SULT6B1: variants seen among roughly 807,000 people sequenced by gnomAD.
The protein encoded by SULT6B1 is sulfotransferase 6B1.
A neutral mutation model predicts 37.2 loss-of-function variants in SULT6B1; 44 were observed. The observed-to-expected ratio is 1.18, with a 90% CI of 0.93 to 1.52. The LOEUF is 1.52. Ranked by LOEUF, SULT6B1 falls within the 40% of genes most tolerant of loss-of-function variation. SULT6B1 has a pLI of 0.00. For synonymous variants in SULT6B1, 140 were observed against 126.0 expected (o/e 1.11, Z -0.74); for missense variants, 450 against 361.0 (o/e 1.25, Z -2.00).
chr2:37,168,465 A>C (rs1438328966), intron 6 of SULT6B1, among the ~76,000 whole-genome samples: 1 of 152,162 alleles, frequency 6.6e-6, no homozygotes, highest in Non-Finnish European at 1.5e-5. Flanking sequence ...CAAAAGTTTT[A>C]CACTCTTAAA....
chr2:37,194,550 T>C (rs542890133), intron 1 of SULT6B1: 7 of 394,354 alleles, frequency 1.8e-5, no homozygotes, highest in East Asian at 1.5e-4. Context: ...CTGGTATCAA[T>C]GCACACATCT....
chr2:37,168,912 A>T (rs114932967), intron 6 of SULT6B1, among the ~76,000 whole-genome samples: 1,550 of 152,318 alleles, frequency 0.01, 17 homozygotes, highest in African/African-American at 0.035. Flanking sequence ...GAGTTTAATG[A>T]CATGAAGAAA....
At chr2:37,185,727 A>AAACAAAAC (rs771163565) in intron 2 of SULT6B1, among the ~76,000 whole-genome samples, 1 of 150,434 alleles carries the variant, frequency 6.6e-6, no homozygotes, top group African/African-American at 2.5e-5. Context: ...CAAAAAAAAA[A>AAACAAAAC]AAAAAAAAAA....
Position 37,168,157 on chromosome 2 carries a change from G to A in SULT6B1, c.782-92C>T, listed in dbSNP as rs148195223. ...TCAGTGCAATATTTCACTCTGATAT[G>A]TTAAAATGGACACATGGAAAAAAGC... On this transcript the variant is annotated intron_variant, in intron 6 of 6. Coordinates refer to ENST00000535679, the MANE Select transcript of SULT6B1 (RefSeq NM_001367551.1). The A allele has an allele frequency of 4.7e-6, 6 of 1,264,914 alleles. No individual in the cohort carries two copies. In the African/African-American group the frequency reaches 7.8e-5, roughly 16 times the overall value. 78.4% of individuals were successfully genotyped at this position (1,264,914 alleles called of 1,614,324 possible). A position where few individuals can be genotyped will look rare whatever the true frequency, so the allele number is the denominator to read the frequency against.
intron 3 of SULT6B1, among the ~76,000 whole-genome samples, chr2:37,181,788 T>C (rs564639484): frequency 6.6e-6 from 1 of 152,308 alleles, no homozygotes; most frequent in South Asian, 2.1e-4. Flanking sequence ...CTCTGTTTAT[T>C]ATAGAGACAC....
intron 2 of SULT6B1, among the ~76,000 whole-genome samples, chr2:37,185,649 T>G (rs1572464859): frequency 7.3e-6 from 1 of 137,430 alleles, no homozygotes; most frequent in South Asian, 2.3e-4. Flanking sequence ...ACCCAGGAGG[T>G]GAAGGGTGCA....
At chr2:37,185,610 C>G (rs536097548) in intron 2 of SULT6B1, among the ~76,000 whole-genome samples, 4 of 150,056 alleles carry the variant, frequency 2.7e-5, no homozygotes, top group Non-Finnish European at 5.9e-5. Context: ...CCCAGCTACT[C>G]GAGAGGCTGA....
rs558600961 is a variant in SULT6B1, at chr2:37,181,567, A to G, written c.402+1858T>C. Among the ~76,000 whole-genome samples the G allele has an allele frequency of 7.5e-4, 113 of 150,524 alleles. 1 individual carries two copies. The South Asian group carries it at 0.022, about 29-fold the overall frequency. ...GCTAATTTTTGTATTTTTTGTAGAG[A>G]CAGGGGTCTCACTATGTTGCCAAGG... is the stretch of plus-strand genomic sequence containing the variant. On this transcript the variant is annotated intron_variant, in intron 3 of 6. Coordinates refer to ENST00000535679, the MANE Select transcript of SULT6B1 (RefSeq NM_001367551.1).
chr2:37,189,170 G>C (rs1286512747), upstream of SULT6B1, among the ~76,000 whole-genome samples: 1 of 152,170 alleles, frequency 6.6e-6, no homozygotes, highest in African/African-American at 2.4e-5. Context: ...CTAAAGACCT[G>C]AGTTTGAACC....
At chr2:37,175,292 T>C in intron 4 of SULT6B1, 66 bp from the exon 5 acceptor site, 1 of 877,360 alleles carries the variant, frequency 1.1e-6, no homozygotes, top group South Asian at 1.9e-5. Flanking sequence ...ATCATTAATT[T>C]ATGCTATAAA....
At chr2:37,193,939 C>CT (rs961817008) in intron 1 of SULT6B1, among the ~76,000 whole-genome samples, 3 of 152,206 alleles carry the variant, frequency 2.0e-5, no homozygotes, top group African/African-American at 7.2e-5. Flanking sequence ...GGAGTCTACA[C>CT]TTTTCCTGCT....
chr2:37,188,251 G>A (rs1234111710), intron 1 of SULT6B1, among the ~76,000 whole-genome samples, 191 bp downstream of exon 1: 1 of 152,022 alleles, frequency 6.6e-6, no homozygotes, highest in African/African-American at 2.4e-5. Context: ...TCAGACACTG[G>A]AGTTTTTTAA....
At chr2:37,192,559 T>C (rs1676801707), upstream of SULT6B1, among the ~76,000 whole-genome samples, 2 of 152,234 alleles carry the variant, frequency 1.3e-5, no homozygotes. Flanking sequence ...ATATTAGCTG[T>C]AGTTGCAAAG....
intron 6 of SULT6B1, 150 bp downstream of exon 6, chr2:37,171,284 T>C (rs1676291710): frequency 1.2e-6 from 1 of 830,620 alleles, no homozygotes; most frequent in South Asian, 2.7e-5. Flanking sequence ...GGCTGCCAGT[T>C]ACAGCTCTGG....
At position 37,168,035 on chromosome 2, in the gene SULT6B1, C is replaced by T. The variant is rs768995818; in HGVS notation, c.812G>A (p.Ser271Asn). ...ATCCATTTCCTGGTTCTGAATTTCACTGAACAAATTTTTCCAATCACCAAC... is the reference window on the plus strand; with the variant it reads ...ATCCATTTCCTGGTTCTGAATTTCATTGAACAAATTTTTCCAATCACCAAC... ...GEVGDWKNLF[S>N]EIQNQEMDEK... Residue 271 changes from serine to asparagine, a missense_variant, in exon 7 of 7, where the codon AGT (serine) becomes AAT (asparagine). Transcript: ENST00000535679. The T allele has an allele frequency of 1.3e-6, 2 of 1,596,928 alleles. No homozygotes were observed. Among genetic ancestry groups the T allele is most frequent in the Admixed American group, 3.7e-5 (2 of 54,184 alleles).
At chr2:37,181,874 C>A (rs964823504) in intron 3 of SULT6B1, among the ~76,000 whole-genome samples, 1 of 152,070 alleles carries the variant, frequency 6.6e-6, no homozygotes, top group Admixed American at 6.5e-5. Flanking sequence ...TACACATTCG[C>A]GATATAAGGA....
At chr2:37,171,912 T>C (rs988664629) in intron 5 of SULT6B1, among the ~76,000 whole-genome samples, 1 of 152,202 alleles carries the variant, frequency 6.6e-6, no homozygotes, top group Non-Finnish European at 1.5e-5. Context: ...CATTAAAAAG[T>C]ACCAACTTAG....
chr2:37,180,576 C>T (rs114213196), intron 3 of SULT6B1, among the ~76,000 whole-genome samples: 3,516 of 152,196 alleles, frequency 0.023, 65 homozygotes, highest in Middle Eastern at 0.054. Flanking sequence ...GAATCAGGAG[C>T]AGTTAGGCAT....
In SULT6B1 at chr2:37,188,605, G is replaced by A. The variant is rs184153418; in HGVS notation, c.36C>T (p.Asp12=). 2.6e-4 allele frequency: 385 copies of A among 1,466,990 alleles called. 4 individuals are homozygous for A. In the South Asian group the frequency reaches 3.2e-3, roughly 12 times the overall value. The allele number at this position is 1,466,990 out of a possible 1,614,324, so 90.9% of individuals were successfully genotyped here. Residue 12 remains aspartate, a synonymous_variant, in exon 1 of 7, where the codon GAC becomes GAT. Coordinates refer to ENST00000535679, the MANE Select transcript of SULT6B1 (RefSeq NM_001367551.1). ...TTTCTTTTGATTTTTCTAAAGCTTC[G>A]TCAATGTATTCAATAAATTTGGATT... ...ADKSKFIEYI[D]EALEKSKETA... is the part of the protein sequence containing the mutation.
Sources: gnomAD v4.1 joint callset for allele counts (sites outside exome capture counted in the v4.1 genomes callset) on GRCh38, gnomAD v4.1.1 for gene constraint, MANE v1.5 for transcripts, NCBI Gene and HGNC (gene_info 2026-07-23, HGNC 2026-07-21) for gene names.